Variants in GRAMD1C observed in about 807,000 individuals in gnomAD.
GRAMD1C encodes the protein GRAM domain containing 1C, also known as protein Aster-C.
Under a neutral mutation model 97.8 loss-of-function variants are expected in GRAMD1C, and 89 were observed. The ratio of observed to expected loss-of-function variants is 0.91; its 90% CI spans 0.77 to 1.09. The LOEUF is 1.09. Ranked by LOEUF, GRAMD1C falls within the 50% of genes least tolerant of loss-of-function variation. GRAMD1C has a pLI of 0.00. For synonymous variants in GRAMD1C, 256 were observed against 267.0 expected, an observed-to-expected ratio of 0.96 and a Z score of 0.40; for missense variants, 740 against 766.4, an observed-to-expected ratio of 0.97 and a Z score of 0.41.
At chr3:113,831,758 G>C (rs1271563149) in intron 1 of GRAMD1C, among the ~76,000 whole-genome samples, 1 of 142,898 alleles carries the variant, frequency 7.0e-6, no homozygotes. Context: ...CAGCTCCAGA[G>C]TTTCTATGTG....
chr3:113,828,299 A>T (rs1275547734), intron 1 of GRAMD1C: 1 of 152,252 alleles, frequency 6.6e-6, no homozygotes, highest in Non-Finnish European at 1.5e-5. Flanking sequence ...ACACCATAGA[A>T]GTGGATCCTC....
chr3:113,940,011 C>T lies in GRAMD1C; in HGVS notation c.1802+15C>T. The T allele has an allele frequency of 7.6e-7, 1 of 1,308,160 alleles. No homozygotes were observed. Among genetic ancestry groups the T allele is most frequent in the African/African-American group, 1.4e-5 (1 of 69,256 alleles). 81.0% of individuals were successfully genotyped at this position (1,308,160 alleles called of 1,614,324 possible). On this transcript the variant is annotated intron_variant, in intron 16 of 17. Coordinates refer to ENST00000358160, the MANE Select transcript of GRAMD1C (RefSeq NM_017577.5). ...AAATCTTTAAAGTAAGTCTTTTTCC[C>T]CCTGACCTGTATTCACCATATTATT...
At chr3:113,848,497 G>T (rs953987898) in intron 2 of GRAMD1C, among the ~76,000 whole-genome samples, 7 of 148,470 alleles carry the variant, frequency 4.7e-5, no homozygotes, top group Admixed American at 1.3e-4. Context: ...TGTTGTATTT[G>T]TTTTTTTTTT....
At chr3:113,940,911 A>G (rs1018338861) in intron 17 of GRAMD1C, among the ~76,000 whole-genome samples, 1 of 152,064 alleles carries the variant, frequency 6.6e-6, no homozygotes, top group Non-Finnish European at 1.5e-5. Flanking sequence ...TTAATCCCCT[A>G]ATTTTCTGTT....
chr3:113,829,958 C>T (rs1043107569), intron 1 of GRAMD1C, among the ~76,000 whole-genome samples: 5 of 151,892 alleles, frequency 3.3e-5, no homozygotes, highest in Admixed American at 2.0e-4. Flanking sequence ...GTTTAATAGG[C>T]GAAATAAAGA....
chr3:113,843,582 C>A (rs1933473325), intron 1 of GRAMD1C, among the ~76,000 whole-genome samples: 1 of 151,966 alleles, frequency 6.6e-6, no homozygotes, highest in African/African-American at 2.4e-5. Flanking sequence ...TGGGTTCAAG[C>A]AATTCTTCTG....
At chr3:113,849,073 C>T (rs1019498900) in intron 2 of GRAMD1C, among the ~76,000 whole-genome samples, 3 of 151,972 alleles carry the variant, frequency 2.0e-5, no homozygotes, top group Non-Finnish European at 4.4e-5. Flanking sequence ...GGATTAAGAT[C>T]CCAGAGGCAA....
chr3:113,830,323 T>C (rs2712332), intron 1 of GRAMD1C, among the ~76,000 whole-genome samples: 7,275 of 152,308 alleles, frequency 0.048, 183 homozygotes, highest in East Asian at 0.057. Context: ...GGCATCCAGG[T>C]AGCCCTTTTC....
intron 9 of GRAMD1C, among the ~76,000 whole-genome samples, chr3:113,909,590 C>G (rs1936493148): frequency 1.3e-5 from 2 of 152,186 alleles, no homozygotes; most frequent in African/African-American, 2.4e-5. Context: ...TACTTCAATA[C>G]TGCCCAAGTT....
chr3:113,944,146 A>G (rs983568846), intron 17 of GRAMD1C, among the ~76,000 whole-genome samples: 1 of 152,160 alleles, frequency 6.6e-6, no homozygotes, highest in African/African-American at 2.4e-5. Context: ...TAAAGAACAG[A>G]AATTTATTGC....
chr3:113,853,689 AT>A (rs1294459953), intron 2 of GRAMD1C, among the ~76,000 whole-genome samples: 1 of 152,224 alleles, frequency 6.6e-6, no homozygotes, highest in Non-Finnish European at 1.5e-5. Flanking sequence ...TGACAACAGA[AT>A]GGGAGCCGGA....
intron 10 of GRAMD1C, 105 bp downstream of exon 10, chr3:113,915,943 G>A (rs1381833626): frequency 2.3e-6 from 2 of 873,112 alleles, no homozygotes; most frequent in Non-Finnish European, 3.6e-6. Context: ...GGAAGAATTA[G>A]ACATGCTTTG....
At chr3:113,848,508 T>TA (rs397781717) in intron 2 of GRAMD1C, among the ~76,000 whole-genome samples, 2 of 151,732 alleles carry the variant, frequency 1.3e-5, no homozygotes, top group Admixed American at 6.6e-5. Context: ...TTTTTTTTTT[T>TA]ATTTTAAAAT....
At chr3:113,861,715 G>A (rs1267973086) in intron 2 of GRAMD1C, among the ~76,000 whole-genome samples, 1 of 152,030 alleles carries the variant, frequency 6.6e-6, no homozygotes, top group Non-Finnish European at 1.5e-5. Flanking sequence ...TTTCTCCAGA[G>A]GTATAGAAAT....
At position 113,907,400 on chromosome 3, in the gene GRAMD1C, C is replaced by G. The variant is rs145198464; in HGVS notation, c.790-1558C>G. On this transcript the variant is annotated intron_variant, in intron 8 of 17. Transcript: ENST00000358160. Reference sequence around the variant, plus strand: ...TCTAGAGACCCTTAGTGACTTACTACTGGTGCAAGGGAAGTGAATAACTTA... The same window carrying G: ...TCTAGAGACCCTTAGTGACTTACTAGTGGTGCAAGGGAAGTGAATAACTTA... Among the ~76,000 whole-genome samples the G allele has an allele frequency of 1.1e-3, 163 of 152,316 alleles. 1 individual carries two copies. Among genetic ancestry groups the G allele is most frequent in the African/African-American group, 3.8e-3 (158 of 41,576 alleles).
intron 2 of GRAMD1C, chr3:113,850,442 T>C: frequency 7.8e-7 from 1 of 1,280,026 alleles, no homozygotes; most frequent in Non-Finnish European, 1.1e-6. Flanking sequence ...AGTCTCTGGA[T>C]GGCTGCAGCG....
chr3:113,858,055 A>G (rs552087401), intron 2 of GRAMD1C, among the ~76,000 whole-genome samples: 4 of 152,118 alleles, frequency 2.6e-5, no homozygotes, highest in African/African-American at 9.6e-5. Flanking sequence ...TTTTGGAGAG[A>G]TTGTATAGAA....
At chr3:113,890,089 G>A (rs1393011562) in intron 6 of GRAMD1C, among the ~76,000 whole-genome samples, 1 of 152,194 alleles carries the variant, frequency 6.6e-6, no homozygotes, top group African/African-American at 2.4e-5. Context: ...CTGAGGACAG[G>A]CTCTCCTAAG....
chr3:113,862,188 G>A (rs1020922937), intron 2 of GRAMD1C, among the ~76,000 whole-genome samples: 11 of 152,178 alleles, frequency 7.2e-5, no homozygotes, highest in African/African-American at 2.2e-4. Flanking sequence ...GGGTTCAAGA[G>A]CAGACAACCA....
Sources: allele counts gnomAD v4.1 joint callset (sites outside exome capture counted in the v4.1 genomes callset), GRCh38; gene constraint gnomAD v4.1.1; transcripts MANE v1.5; gene names NCBI Gene and HGNC (gene_info 2026-07-23, HGNC 2026-07-21).